HS6ST3: variants seen among roughly 807,000 people sequenced by gnomAD.
The protein encoded by HS6ST3 is heparan sulfate 6-O-sulfotransferase 3.
HS6ST3 carries 12 observed loss-of-function variants against 36.7 expected under a neutral mutation model. The observed-to-expected ratio is 0.33, with a 90% CI of 0.21 to 0.53. The LOEUF is 0.53. HS6ST3 is among the 20% of genes least tolerant of loss of function. The pLI is 0.95. For synonymous variants in HS6ST3, 240 were observed against 257.5 expected (o/e 0.93, Z 0.65); for missense variants, 584 against 640.9 (o/e 0.91, Z 0.96).
rs115258461 is a variant in HS6ST3, at chr13:96,534,363, A to G, written c.708-298127A>G. Among the ~76,000 whole-genome samples the G allele has an allele frequency of 9.1e-3, 1,390 of 152,338 alleles. 24 individuals carry two copies. The highest frequency in any genetic ancestry group is 0.032 in the African/African-American group (1,341 of 41,580). ...TTAAATATCTGCAGGATAATTATGT[A>G]TACCCACTTCTTTGAAATTCAGTTT... is the stretch of plus-strand genomic sequence containing the variant. On this transcript the variant is annotated intron_variant, in intron 1 of 1. Coordinates refer to ENST00000376705, the MANE Select transcript of HS6ST3 (RefSeq NM_153456.4).
At position 96,276,474 on chromosome 13, in the gene HS6ST3, A is replaced by G. The variant is rs540757981; in HGVS notation, c.707+184905A>G. 3.3e-5 allele frequency among the ~76,000 whole-genome samples: 5 copies of G among 152,342 alleles called. No homozygotes were observed. In the South Asian group the frequency reaches 1.0e-3, roughly 32 times the overall value. ...GGTTCTTATTGGCTGTGTGATGCTC[A>G]GCAAGTTGGACAAATTCTGAAACTC... On this transcript the variant is annotated intron_variant, in intron 1 of 1. Transcript: ENST00000376705.
chr13:96,824,083 C>A (rs887261880), intron 1 of HS6ST3, among the ~76,000 whole-genome samples: 2 of 152,204 alleles, frequency 1.3e-5, no homozygotes, highest in Admixed American at 6.5e-5. Flanking sequence ...GAAAGCCACC[C>A]GAGCCTCTCC....
In HS6ST3 at chr13:96,633,299, C is replaced by T. The variant is rs116163116; in HGVS notation, c.708-199191C>T. Among the ~76,000 whole-genome samples the T allele has an allele frequency of 6.3e-3, 959 of 152,258 alleles. 7 individuals carry two copies. Among genetic ancestry groups the T allele is most frequent in the African/African-American group, 0.022 (908 of 41,550 alleles). On this transcript the variant is annotated intron_variant, in intron 1 of 1. Coordinates refer to ENST00000376705, the MANE Select transcript of HS6ST3 (RefSeq NM_153456.4). ...AAACAAAATAAGTCTCAGCTTGTTTCGGGAACACACAGCACACAGTTCTGC... is the reference window on the plus strand; with the variant it reads ...AAACAAAATAAGTCTCAGCTTGTTTTGGGAACACACAGCACACAGTTCTGC...
At chr13:96,468,075 CT>C (rs2055823090) in intron 1 of HS6ST3, among the ~76,000 whole-genome samples, 2 of 152,262 alleles carry the variant, frequency 1.3e-5, no homozygotes, top group East Asian at 3.9e-4. Context: ...CATCTAAGGG[CT>C]ATGTTTTCCT....
rs539726582 is a variant in HS6ST3, at chr13:96,482,815, A to G, written c.708-349675A>G. ...TTGTTCCTAGCAGAGCCTAGGAAAT[A>G]TTGTTAAATGGAAAAAGTTTTAAAG... On this transcript the variant is annotated intron_variant, in intron 1 of 1. Coordinates refer to ENST00000376705, the MANE Select transcript of HS6ST3 (RefSeq NM_153456.4). 7.9e-5 allele frequency among the ~76,000 whole-genome samples: 12 copies of G among 152,352 alleles called. No homozygotes were observed. In the South Asian group the frequency reaches 2.3e-3, roughly 29 times the overall value.
chr13:96,831,116 C>T (rs1566464067), intron 1 of HS6ST3, among the ~76,000 whole-genome samples: 2 of 152,168 alleles, frequency 1.3e-5, no homozygotes, highest in African/African-American at 2.4e-5. Context: ...TCCTCTAATG[C>T]CTGCTGTTTC....
intron 1 of HS6ST3, among the ~76,000 whole-genome samples, chr13:96,785,481 T>C (rs1877625240): frequency 6.6e-6 from 1 of 152,188 alleles, no homozygotes; most frequent in South Asian, 2.1e-4. Flanking sequence ...TCTCCCAAAA[T>C]AGCCATTTCA....
chr13:96,221,252 G>T (rs2139362592), intron 1 of HS6ST3, among the ~76,000 whole-genome samples: 1 of 152,324 alleles, frequency 6.6e-6, no homozygotes, highest in South Asian at 2.1e-4. Flanking sequence ...ATACCTATTT[G>T]TGTGGGGTAC....
At chr13:96,373,464 C>T (rs1329373352) in intron 1 of HS6ST3, among the ~76,000 whole-genome samples, 1 of 152,174 alleles carries the variant, frequency 6.6e-6, no homozygotes, top group Non-Finnish European at 1.5e-5. Flanking sequence ...CGTGATGTAT[C>T]ATTTTTATTA....
At chr13:96,332,991 A>G (rs1227029210) in intron 1 of HS6ST3, among the ~76,000 whole-genome samples, 2 of 152,216 alleles carry the variant, frequency 1.3e-5, no homozygotes, top group African/African-American at 4.8e-5. Context: ...TATGGTCTAG[A>G]AAGCAGGTCC....
chr13:96,252,490 C>T (rs1225929858), intron 1 of HS6ST3, among the ~76,000 whole-genome samples: 2 of 152,176 alleles, frequency 1.3e-5, no homozygotes, highest in Non-Finnish European at 1.5e-5. Context: ...CCCCATTTTG[C>T]AGTCAGGTCT....
chr13:96,244,500 T>C (rs1188116840), intron 1 of HS6ST3, among the ~76,000 whole-genome samples: 1 of 152,306 alleles, frequency 6.6e-6, no homozygotes, highest in East Asian at 1.9e-4. Context: ...CTAATACAAT[T>C]GATTTTCTGA....
intron 1 of HS6ST3, among the ~76,000 whole-genome samples, chr13:96,397,355 T>G (rs1489108000): frequency 6.6e-6 from 1 of 152,242 alleles, no homozygotes; most frequent in Admixed American, 6.5e-5. Context: ...TATTAAATAT[T>G]TCTGAAGATA....
chr13:96,233,355 T>C (rs2054517483), intron 1 of HS6ST3, among the ~76,000 whole-genome samples: 1 of 152,232 alleles, frequency 6.6e-6, no homozygotes, highest in African/African-American at 2.4e-5. Context: ...TGTTGCATCA[T>C]TGGTTCTTTT....
chr13:96,501,932 T>C (rs758826272), intron 1 of HS6ST3, among the ~76,000 whole-genome samples: 2 of 152,146 alleles, frequency 1.3e-5, no homozygotes, highest in Non-Finnish European at 2.9e-5. Context: ...AAACAATGAG[T>C]CTTAATTCAT....
At chr13:96,462,837 A>G (rs1374839476) in intron 1 of HS6ST3, among the ~76,000 whole-genome samples, 1 of 152,226 alleles carries the variant, frequency 6.6e-6, no homozygotes, top group Non-Finnish European at 1.5e-5. Flanking sequence ...GCATTTCTAG[A>G]TGCTAGCACC....
At chr13:96,716,557 T>A (rs1397389596) in intron 1 of HS6ST3, among the ~76,000 whole-genome samples, 1 of 152,142 alleles carries the variant, frequency 6.6e-6, no homozygotes, top group Non-Finnish European at 1.5e-5. Context: ...CTCACTGCAA[T>A]ATTTGTCTAT....
chr13:96,148,686 A>C (rs1303372950), intron 1 of HS6ST3, among the ~76,000 whole-genome samples: 2 of 152,204 alleles, frequency 1.3e-5, no homozygotes, highest in African/African-American at 4.8e-5. Context: ...GGACCCATGA[A>C]AATTAGATTA....
chr13:96,732,631 G>C (rs1486525502), intron 1 of HS6ST3, among the ~76,000 whole-genome samples: 2 of 151,450 alleles, frequency 1.3e-5, no homozygotes, highest in Non-Finnish European at 2.9e-5. Flanking sequence ...GGCTATTCAG[G>C]GTATTTTTTG....
Sources: gnomAD v4.1 joint callset for allele counts (sites outside exome capture counted in the v4.1 genomes callset) on GRCh38, gnomAD v4.1.1 for gene constraint, MANE v1.5 for transcripts, NCBI Gene and HGNC (gene_info 2026-07-23, HGNC 2026-07-21) for gene names.